The following LATS2 variants were observed in gnomAD, a reference collection of about 807,000 sequenced individuals.
The protein encoded by LATS2 is serine/threonine-protein kinase LATS2.
Under a neutral mutation model 76.0 loss-of-function variants are expected in LATS2, and 24 were observed. That is an observed-to-expected ratio of 0.32 (90% CI 0.23 to 0.44). The LOEUF (loss-of-function observed/expected upper bound fraction) is 0.44. LATS2 is among the 20% of genes least tolerant of loss of function. The pLI is 1.00. For missense variants in LATS2, 1,286 were observed against 1,481.2 expected, an observed-to-expected ratio of 0.87 and a Z score of 2.16; for synonymous variants, 692 against 635.4, an observed-to-expected ratio of 1.09 and a Z score of -1.34.
intron 7 of LATS2, 122 bp from the exon 8 acceptor site, chr13:20,975,486 G>A: frequency 1.9e-6 from 2 of 1,029,128 alleles, no homozygotes; most frequent in South Asian, 3.5e-5. Flanking sequence ...AGTTAGAATA[G>A]ACACAAGCAG....
Position 20,982,658 on chromosome 13 carries a change from C to A in LATS2, c.2482+566G>T, listed in dbSNP as rs117236003. ...TGCTTTAATGAGGCAGGTGATGGTT[C>A]CCCACAAAGGCCCCGTGACACCTTG... On this transcript the variant is annotated intron_variant, in intron 5 of 7. Transcript: ENST00000382592. 5.1e-3 allele frequency among the ~76,000 whole-genome samples: 774 copies of A among 152,066 alleles called. 2 individuals carry two copies. Among genetic ancestry groups the A allele is most frequent in the Non-Finnish European group, 6.5e-3 (445 of 67,992 alleles).
At chr13:21,049,119 C>G (rs1873174185) in intron 1 of LATS2, among the ~76,000 whole-genome samples, 1 of 152,182 alleles carries the variant, frequency 6.6e-6, no homozygotes, top group South Asian at 2.1e-4. Context: ...CCACCACATT[C>G]AGGTCTGTGC....
intron 1 of LATS2, among the ~76,000 whole-genome samples, chr13:21,052,461 G>T (rs914920821): frequency 3.3e-5 from 5 of 151,944 alleles, no homozygotes; most frequent in African/African-American, 1.2e-4. Context: ...AGTGATTCTC[G>T]TGCCTCAGCC....
intron 2 of LATS2, among the ~76,000 whole-genome samples, chr13:20,993,350 T>G (rs895412305): frequency 6.6e-6 from 1 of 152,234 alleles, no homozygotes; most frequent in Non-Finnish European, 1.5e-5. Context: ...TAAGCACTTA[T>G]TGTCCATATA....
chr13:21,055,698 A>G (rs1288443428), intron 1 of LATS2, among the ~76,000 whole-genome samples: 1 of 152,222 alleles, frequency 6.6e-6, no homozygotes, highest in African/African-American at 2.4e-5. Flanking sequence ...CAAGGAACCA[A>G]CCAAACCAAT....
intron 1 of LATS2, among the ~76,000 whole-genome samples, chr13:21,059,848 CCAGCTACGTGG>C (rs1214365031): frequency 6.6e-6 from 1 of 151,278 alleles, no homozygotes; most frequent in Non-Finnish European, 1.5e-5. Context: ...GCCTGTAATC[CCAGCTACGTGG>C]GAGGCTAAGG....
chr13:21,050,356 C>T (rs747539045), intron 1 of LATS2, among the ~76,000 whole-genome samples: 12 of 149,340 alleles, frequency 8.0e-5, no homozygotes, highest in Non-Finnish European at 1.6e-4. Flanking sequence ...ATTATCACAA[C>T]CCCAGAAGCC....
chr13:21,001,112 A>G (rs543111711), intron 2 of LATS2, among the ~76,000 whole-genome samples: 2 of 152,260 alleles, frequency 1.3e-5, no homozygotes, highest in Non-Finnish European at 2.9e-5. Context: ...AAATGGCAAG[A>G]TAAGAATATA....
chr13:21,022,249 C>T (rs575987161), intron 2 of LATS2, among the ~76,000 whole-genome samples: 4 of 152,074 alleles, frequency 2.6e-5, no homozygotes, highest in Admixed American at 6.5e-5. Context: ...TGTGTGTGGA[C>T]GTATGCATAT....
intron 2 of LATS2, among the ~76,000 whole-genome samples, chr13:21,013,516 A>T (rs1871680006): frequency 6.6e-6 from 1 of 152,234 alleles, no homozygotes; most frequent in Non-Finnish European, 1.5e-5. Flanking sequence ...AAGGCTGCAC[A>T]CAGCAAGGTA....
intron 2 of LATS2, among the ~76,000 whole-genome samples, chr13:21,007,761 T>TACTATATATATATATAGTATATATATATA (rs57849094): frequency 3.9e-4 from 3 of 7,792 alleles, no homozygotes; most frequent in African/African-American, 1.9e-3. Context: ...TATATATATA[T>TACTATATATATATATAGTATATATATATA]TTTTTTTTTT....
At chr13:21,023,998 C>G (rs1872195006) in intron 2 of LATS2, among the ~76,000 whole-genome samples, 1 of 147,498 alleles carries the variant, frequency 6.8e-6, no homozygotes, top group South Asian at 2.1e-4. Flanking sequence ...CAAAACACAA[C>G]TCAGGGGGCT....
At chr13:21,011,471 G>A (rs1871590191) in intron 2 of LATS2, among the ~76,000 whole-genome samples, 1 of 152,158 alleles carries the variant, frequency 6.6e-6, no homozygotes, top group Admixed American at 6.5e-5. Flanking sequence ...AAACTAAAAA[G>A]CAGAAAATAT....
In LATS2 at chr13:21,045,840, G is replaced by C. The variant is rs1335344220; in HGVS notation, c.187C>G (p.Gln63Glu). 1.2e-6 allele frequency: 2 copies of C among 1,614,038 alleles called. No individual in the cohort carries two copies. Among genetic ancestry groups the C allele is most frequent in the Admixed American group, 1.7e-5 (1 of 60,022 alleles). ...CCGAACTTTGGGGTGGCTCTCATCTGCTGCTGCTGCCTGGTGGCATCTTTG... is the reference window on the plus strand; with the variant it reads ...CCGAACTTTGGGGTGGCTCTCATCTCCTGCTGCTGCCTGGTGGCATCTTTG... ...GSKDATRQQQ[Q>E]MRATPKFGPY... Residue 63 changes from glutamine to glutamate, a missense_variant, in exon 2 of 8, where the codon CAG (glutamine) becomes GAG (glutamate). By Grantham distance (29) the Gln-to-Glu change is conservative. Transcript: ENST00000382592.
intron 2 of LATS2, among the ~76,000 whole-genome samples, chr13:21,034,767 TAC>T (rs1398319122): frequency 6.6e-6 from 1 of 151,878 alleles, no homozygotes; most frequent in African/African-American, 2.4e-5. Flanking sequence ...TGGGGGAGGA[TAC>T]AGAGGGGAGA....
At chr13:21,051,620 A>C (rs1035024591) in intron 1 of LATS2, among the ~76,000 whole-genome samples, 8 of 152,048 alleles carry the variant, frequency 5.3e-5, no homozygotes, top group Non-Finnish European at 1.0e-4. Context: ...CCACCAGGAG[A>C]GCAGTGTCAG....
At chr13:21,014,090 G>A (rs1255354145) in intron 2 of LATS2, among the ~76,000 whole-genome samples, 3 of 151,302 alleles carry the variant, frequency 2.0e-5, no homozygotes, top group African/African-American at 7.3e-5. Context: ...GGAAAGGAAG[G>A]GAGGGAGATT....
At position 20,978,119 on chromosome 13, in the gene LATS2, G is replaced by A. The variant is rs780726732; in HGVS notation, c.2772+1572C>T. 9.9e-5 allele frequency among the ~76,000 whole-genome samples: 15 copies of A among 152,060 alleles called. No individual in the cohort carries two copies. The East Asian group carries it at 2.5e-3, about 25-fold the overall frequency. On this transcript the variant is annotated intron_variant, in intron 7 of 7. Transcript: ENST00000382592. Reference sequence around the variant, plus strand: ...TTCAGTAGAGACGGGGTTTCACTACGTTGGCCAGGCTAGTCTCGATCTCCT... The same window carrying A: ...TTCAGTAGAGACGGGGTTTCACTACATTGGCCAGGCTAGTCTCGATCTCCT...
intron 2 of LATS2, among the ~76,000 whole-genome samples, chr13:21,027,165 G>C (rs2100049628): frequency 6.6e-6 from 1 of 152,126 alleles, no homozygotes; most frequent in African/African-American, 2.4e-5. Flanking sequence ...TCTGTGGATT[G>C]AGTTTTGTTG....
Sources: allele counts gnomAD v4.1 joint callset (sites outside exome capture counted in the v4.1 genomes callset), GRCh38; gene constraint gnomAD v4.1.1; transcripts MANE v1.5; gene names NCBI Gene and HGNC (gene_info 2026-07-23, HGNC 2026-07-21).